DCLK1: variants seen among roughly 807,000 people sequenced by gnomAD.
The protein encoded by DCLK1 is doublecortin like kinase 1, also known as serine/threonine-protein kinase DCLK1.
A neutral mutation model predicts 86.2 loss-of-function variants in DCLK1; 16 were observed. The observed-to-expected ratio is 0.19, with a 90% CI of 0.13 to 0.28. The LOEUF (loss-of-function observed/expected upper bound fraction) is 0.28. DCLK1 is among the 10% of genes least tolerant of loss of function. The probability of loss-of-function intolerance (pLI) is 1.00; values close to 1 mark genes in which losing one functional copy is unlikely to be tolerated. For synonymous variants in DCLK1, 369 were observed against 370.5 expected, an observed-to-expected ratio of 1.00 and a Z score of 0.05; for missense variants, 590 against 940.2, an observed-to-expected ratio of 0.63 and a Z score of 4.87.
chr13:35,772,490 A>G lies in DCLK1; in HGVS notation c.*2045T>C, dbSNP rs1249955862. ...TGCTTTGCTTTATATTTCTAGAGAA[A>G]GCAGTAATTTCCAACTAGTTCAGTG... On this transcript the variant is annotated 3_prime_UTR_variant, in exon 17 of 17. Transcript: ENST00000360631. The G allele has an allele frequency of 1.3e-5, 2 of 152,338 alleles. No homozygotes were observed. Among genetic ancestry groups the G allele is most frequent in the African/African-American group, 4.8e-5 (2 of 41,580 alleles). The allele number at this position is 152,338 out of a possible 1,614,324, so 9.4% of individuals were successfully genotyped here.
intron 8 of DCLK1, among the ~76,000 whole-genome samples, chr13:35,830,641 A>G (rs1316911825): frequency 1.3e-5 from 2 of 152,232 alleles, no homozygotes; most frequent in African/African-American, 2.4e-5. Flanking sequence ...AGGTTGGAAT[A>G]CATGAGCAAT....
intron 3 of DCLK1, among the ~76,000 whole-genome samples, chr13:36,095,261 C>T (rs1225124673): frequency 4.6e-5 from 7 of 151,238 alleles, no homozygotes; most frequent in Admixed American, 1.3e-4. Flanking sequence ...GCTAGAGTGC[C>T]GTGATGTGAT....
chr13:36,016,131 C>T (rs535835637), intron 3 of DCLK1, among the ~76,000 whole-genome samples: 5 of 152,190 alleles, frequency 3.3e-5, no homozygotes, highest in East Asian at 3.9e-4. Context: ...ATTCACATTT[C>T]GTGTTCAAAT....
chr13:35,859,618 G>C (rs1871269177), intron 5 of DCLK1, among the ~76,000 whole-genome samples: 1 of 152,146 alleles, frequency 6.6e-6, no homozygotes, highest in African/African-American at 2.4e-5. Flanking sequence ...TCCTCAGGAA[G>C]TGTGCAGATC....
intron 4 of DCLK1, among the ~76,000 whole-genome samples, chr13:35,909,526 T>C (rs565078627): frequency 6.6e-6 from 1 of 151,122 alleles, no homozygotes; most frequent in South Asian, 2.1e-4. Context: ...TATGAGATTT[T>C]GTATGCAATG....
At chr13:35,958,518 C>T (rs1048981549) in intron 3 of DCLK1, among the ~76,000 whole-genome samples, 1 of 151,570 alleles carries the variant, frequency 6.6e-6, no homozygotes, top group Admixed American at 6.6e-5. Context: ...ACTGTACCAC[C>T]AACAGCAGTA....
chr13:35,837,354 C>T (rs1869461094), intron 7 of DCLK1, among the ~76,000 whole-genome samples: 1 of 152,166 alleles, frequency 6.6e-6, no homozygotes, highest in African/African-American at 2.4e-5. Flanking sequence ...ACAGCCTCTT[C>T]ACCCCTTTAT....
chr13:36,076,586 T>G (rs1884222066), intron 3 of DCLK1, among the ~76,000 whole-genome samples: 1 of 152,218 alleles, frequency 6.6e-6, no homozygotes, highest in Non-Finnish European at 1.5e-5. Flanking sequence ...TCAAAACTTG[T>G]TTTCCCTGGC....
intron 3 of DCLK1, among the ~76,000 whole-genome samples, chr13:36,017,860 A>C (rs1392240097): frequency 2.0e-5 from 3 of 152,164 alleles, no homozygotes; most frequent in African/African-American, 7.2e-5. Context: ...ACTCTTTGCC[A>C]TAAGAAAGGA....
intron 15 of DCLK1, among the ~76,000 whole-genome samples, chr13:35,794,671 A>T (rs1226777473): frequency 2.0e-5 from 3 of 152,090 alleles, no homozygotes; most frequent in Non-Finnish European, 4.4e-5. Flanking sequence ...GCTCTCCTAG[A>T]CCCTCTGCTC....
chr13:35,874,536 CAGTCTT>C (rs1169048269), intron 4 of DCLK1, among the ~76,000 whole-genome samples: 13 of 152,266 alleles, frequency 8.5e-5, no homozygotes, highest in African/African-American at 3.1e-4. Context: ...AGAGCCTGCC[CAGTCTT>C]CCCCAACAGT....
In DCLK1 at chr13:36,023,901, C is replaced by CTTTTTT. The variant is rs59071937; in HGVS notation, c.724-76450_724-76445dup. On this transcript the variant is annotated intron_variant, in intron 3 of 16. Coordinates refer to ENST00000360631, the MANE Select transcript of DCLK1 (RefSeq NM_001330071.2). ...GCTCTCCTCATTTCTTTCTTTCTTT[C>CTTTTTT]TTTTTTTTTTTTTTTTGGAGACAGT... Among the ~76,000 whole-genome samples, 68 of 128,400 alleles carry CTTTTTT rather than the reference C, an allele frequency of 5.3e-4. 2 individuals are homozygous for CTTTTTT. The highest frequency in any genetic ancestry group is 9.0e-4 in the East Asian group (4 of 4,432). 84.2% of individuals were successfully genotyped at this position (128,400 alleles called of 152,430 possible). A position where few individuals can be genotyped will look rare whatever the true frequency, so the allele number is the denominator to read the frequency against.
chr13:35,854,814 A>AT (rs1870931494), intron 5 of DCLK1, among the ~76,000 whole-genome samples: 1 of 152,192 alleles, frequency 6.6e-6, no homozygotes, highest in African/African-American at 2.4e-5. Flanking sequence ...TTACAGAATT[A>AT]TTTTTTAAGA....
At chr13:35,824,961 T>C (rs571490694) in intron 10 of DCLK1, among the ~76,000 whole-genome samples, 1 of 152,056 alleles carries the variant, frequency 6.6e-6, no homozygotes, top group Admixed American at 6.6e-5. Flanking sequence ...GTTTTCTAAC[T>C]CCCGTTGCTC....
chr13:35,852,487 T>A (rs1870727075), intron 6 of DCLK1, among the ~76,000 whole-genome samples: 1 of 152,226 alleles, frequency 6.6e-6, no homozygotes, highest in Non-Finnish European at 1.5e-5. Context: ...TGTTTTCAGA[T>A]GGTATAAACC....
intron 10 of DCLK1, among the ~76,000 whole-genome samples, chr13:35,824,959 A>G (rs1328473498): frequency 6.6e-6 from 1 of 150,962 alleles, no homozygotes; most frequent in Non-Finnish European, 1.5e-5. Flanking sequence ...CAGTTTTCTA[A>G]CTCCCGTTGC....
intron 1 of DCLK1, among the ~76,000 whole-genome samples, chr13:36,130,792 C>T (rs565285043): frequency 1.8e-4 from 28 of 152,324 alleles, no homozygotes; most frequent in African/African-American, 6.5e-4. Flanking sequence ...AGCTCCTCCG[C>T]CCTGGCTCTC....
chr13:35,807,855 G>A (rs1466647948), intron 14 of DCLK1, among the ~76,000 whole-genome samples: 1 of 152,176 alleles, frequency 6.6e-6, no homozygotes, highest in Non-Finnish European at 1.5e-5. Context: ...GGTCTGGGAA[G>A]GCTTCACTGG....
intron 3 of DCLK1, among the ~76,000 whole-genome samples, chr13:36,082,274 C>A (rs978085600): frequency 6.6e-6 from 1 of 152,156 alleles, no homozygotes; most frequent in African/African-American, 2.4e-5. Flanking sequence ...TGGTGATCCA[C>A]TTCCACTTAA....
Sources: gnomAD v4.1 joint callset for allele counts (sites outside exome capture counted in the v4.1 genomes callset) on GRCh38, gnomAD v4.1.1 for gene constraint, MANE v1.5 for transcripts, NCBI Gene and HGNC (gene_info 2026-07-23, HGNC 2026-07-21) for gene names.